The following PPP1R13L variants were observed in gnomAD, a reference collection of about 807,000 sequenced individuals.
The protein encoded by PPP1R13L is relA-associated inhibitor.
A neutral mutation model predicts 80.9 loss-of-function variants in PPP1R13L; 50 were observed. The observed-to-expected ratio is 0.62, with a 90% CI of 0.49 to 0.78. PPP1R13L has a LOEUF of 0.78. Among genes scored for constraint, PPP1R13L ranks in the 30% least tolerant of loss-of-function variants. The probability of loss-of-function intolerance (pLI) is 0.00; values close to 1 mark genes in which losing one functional copy is unlikely to be tolerated. For synonymous variants in PPP1R13L, 602 were observed against 534.3 expected, an observed-to-expected ratio of 1.13 and a Z score of -1.75; for missense variants, 1,200 against 1,205.9, an observed-to-expected ratio of 1.00 and a Z score of 0.07.
intron 7 of PPP1R13L, chr19:45,395,198 T>G (rs1045726750): frequency 4.5e-5 from 25 of 555,528 alleles, no homozygotes; most frequent in Non-Finnish European, 6.7e-5. Flanking sequence ...GTTAAGTGAC[T>G]TGCCCAAGGT....
chr19:45,392,008 C>G lies in PPP1R13L; in HGVS notation c.1687G>C (p.Glu563Gln), dbSNP rs1245199673. The G allele has an allele frequency of 6.5e-7, 1 of 1,539,034 alleles. No homozygotes were observed. Among genetic ancestry groups the G allele is most frequent in the Admixed American group, 2.1e-5 (1 of 46,816 alleles). The change falls in exon 8 of 13, where the codon GAG becomes CAG. Residue 563 changes from glutamate (E) to glutamine (Q), a missense_variant. Physicochemically the swap from Glu to Gln is conservative, Grantham distance 29. Transcript: ENST00000360957. ...RHGGPGPGGP[E>Q]PELSPITEGS... Reference sequence around the variant, plus strand: ...TCAGTGATGGGGGACAGCTCTGGCTCCGGCCCCCCGGGCCCTGGCCCCCCA... The same window carrying G: ...TCAGTGATGGGGGACAGCTCTGGCTGCGGCCCCCCGGGCCCTGGCCCCCCA...
At chr19:45,391,575 G>T (rs1972973216) in intron 8 of PPP1R13L, among the ~76,000 whole-genome samples, 1 of 152,212 alleles carries the variant, frequency 6.6e-6, no homozygotes, top group Non-Finnish European at 1.5e-5. Flanking sequence ...GGTTCTGCCT[G>T]AAACAGGAAA....
intron 2 of PPP1R13L, 40 bp from the exon 3 acceptor site, chr19:45,398,187 G>T: frequency 1.2e-6 from 2 of 1,612,306 alleles, no homozygotes; most frequent in Non-Finnish European, 1.7e-6. Context: ...TGGCCTCCTG[G>T]CAGGGGCCGG....
At chr19:45,383,914 G>A (rs1427605254) in intron 11 of PPP1R13L, among the ~76,000 whole-genome samples, 1 of 151,296 alleles carries the variant, frequency 6.6e-6, no homozygotes, top group Non-Finnish European at 1.5e-5. Flanking sequence ...GGCCCACGCC[G>A]CTACACCCGG....
chr19:45,392,271 T>G lies in PPP1R13L; in HGVS notation c.1424A>C (p.Glu475Ala). The stretch of plus-strand genomic sequence containing the variant: ...AGGGCCTTCATCCACATCGCCAGCC[T>G]CCAGCACTGGTGTCAGCAGCCCCTC... ...EIEGLLTPVLEAGDVDEGPVA... is the reference protein window; with the variant it reads ...EIEGLLTPVLAAGDVDEGPVA... Residue 475 changes from glutamate to alanine, a missense_variant, in exon 8 of 13, where the codon GAG (glutamate) becomes GCG (alanine). Coordinates refer to ENST00000360957, the MANE Select transcript of PPP1R13L (RefSeq NM_006663.4). 6.2e-7 allele frequency: 1 copy of G among 1,613,612 alleles called. No homozygotes were observed. The highest frequency in any genetic ancestry group is 8.5e-7 in the Non-Finnish European group (1 of 1,180,018).
chr19:45,393,828 A>T (rs761091003), intron 7 of PPP1R13L, among the ~76,000 whole-genome samples: 3 of 152,122 alleles, frequency 2.0e-5, no homozygotes, highest in Non-Finnish European at 4.4e-5. Context: ...AGCAAGCACC[A>T]CTGCACTCCA....
chr19:45,395,038 T>A (rs1454197773), intron 7 of PPP1R13L: 1 of 173,322 alleles, frequency 5.8e-6, no homozygotes, highest in Non-Finnish European at 1.2e-5. Flanking sequence ...TTAGTAGAGA[T>A]GGGGTTTCAT....
At position 45,386,187 on chromosome 19, in the gene PPP1R13L, G is replaced by C. The variant is rs1156993639; in HGVS notation, c.1816-7C>G. The C allele has an allele frequency of 3.4e-5, 51 of 1,512,940 alleles. No homozygotes were observed. Among genetic ancestry groups the C allele is most frequent in the Non-Finnish European group, 3.8e-5 (44 of 1,145,000 alleles). The allele number at this position is 1,512,940 out of a possible 1,614,324, so 93.7% of individuals were successfully genotyped here. A position where few individuals can be genotyped will look rare whatever the true frequency, so the allele number is the denominator to read the frequency against. ...GCAGCACAGAGCGCATCTCCTGGGG[G>C]ACAGGGCGCAGAGGTCAGCGACTTG... is the stretch of plus-strand genomic sequence containing the variant. On this transcript the variant is annotated splice_region_variant and splice_polypyrimidine_tract_variant and intron_variant, in intron 8 of 12. Coordinates refer to ENST00000360957, the MANE Select transcript of PPP1R13L (RefSeq NM_006663.4).
intron 11 of PPP1R13L, among the ~76,000 whole-genome samples, chr19:45,383,884 C>T (rs1315866356): frequency 6.6e-6 from 1 of 152,094 alleles, no homozygotes; most frequent in Admixed American, 6.6e-5. Context: ...GCCTCAGCCT[C>T]CAAAGTAGCT....
At chr19:45,397,469 T>TCC (rs1973131630) in intron 3 of PPP1R13L, among the ~76,000 whole-genome samples, 1 of 97,810 alleles carries the variant, frequency 1.0e-5, no homozygotes, top group Admixed American at 1.0e-4. Context: ...GCTTTCTCTC[T>TCC]CTCTCTTTCT....
intron 1 of PPP1R13L, among the ~76,000 whole-genome samples, chr19:45,401,127 G>C (rs1317847994): frequency 1.3e-5 from 2 of 151,246 alleles, no homozygotes; most frequent in Non-Finnish European, 2.9e-5. Context: ...GCTAAGGCGG[G>C]AGGATCACGA....
chr19:45,396,508 G>A lies in PPP1R13L; in HGVS notation c.712+37C>T. On this transcript the variant is annotated intron_variant, in intron 4 of 12. Transcript: ENST00000360957. The surrounding 1 kb of genome is among the most constrained non-coding windows in gnomAD (Gnocchi z 5.3). ...CCCGGATCCTGCCCGCTTTGACCCC[G>A]CGAGTCAAAGGCCCCGCGAGGGGCC... 1 of 1,603,196 alleles carries A rather than the reference G, an allele frequency of 6.2e-7. No individual in the cohort carries two copies. Among genetic ancestry groups the A allele is most frequent in the Admixed American group, 1.7e-5 (1 of 58,950 alleles).
chr19:45,385,623 G>T lies in PPP1R13L; in HGVS notation c.2187C>A (p.Thr729=). ...GGTAAGGGTCGCACTTCTCGAAGGC[G>T]GTGGCGCCGTCGCTGAGCGTGGTGG... ...IFATTLSDGA[T]AFEKCDPYRE... The change falls in exon 11 of 13, where the codon ACC becomes ACA. Residue 729 remains threonine (T), a synonymous_variant. Coordinates refer to ENST00000360957, the MANE Select transcript of PPP1R13L (RefSeq NM_006663.4). 5 of 1,613,158 alleles carry T rather than the reference G, an allele frequency of 3.1e-6. No homozygotes were observed. Among genetic ancestry groups the T allele is most frequent in the Non-Finnish European group, 2.5e-6 (3 of 1,179,888 alleles).
rs775940419 is a variant in PPP1R13L at position 45,392,167 on chromosome 19, C to G, written c.1528G>C (p.Val510Leu). The change falls in exon 8 of 13, where the codon GTG becomes CTG. Residue 510 changes from valine (V) to leucine (L), a missense_variant. By Grantham distance (32) the Val-to-Leu change is conservative. Around this residue, in one of 5 missense-constraint regions of PPP1R13L, gnomAD observed 53 missense variants for 96.5 expected, o/e 0.55. Transcript: ENST00000360957. Reference protein sequence around the residue: ...EAQSVPELEEVARVLAEIPRP... With the variant: ...EAQSVPELEELARVLAEIPRP... Reference sequence around the variant, plus strand: ...GGAATTTCCGCCAACACCCGTGCCACCTCCTCCAGCTCGGGCACCGACTGT... The same window carrying G: ...GGAATTTCCGCCAACACCCGTGCCAGCTCCTCCAGCTCGGGCACCGACTGT... 1 of 1,604,040 alleles carries G rather than the reference C, an allele frequency of 6.2e-7. No individual in the cohort carries two copies. The highest frequency in any genetic ancestry group is 8.5e-7 in the Non-Finnish European group (1 of 1,174,010).
upstream of PPP1R13L, among the ~76,000 whole-genome samples, chr19:45,405,622 G>T (rs1973327133): frequency 6.6e-6 from 1 of 152,252 alleles, no homozygotes; most frequent in Non-Finnish European, 1.5e-5. Context: ...ACCGTCTGGA[G>T]ATCCTGGATA....
Position 45,386,017 on chromosome 19 carries a change from G to A in PPP1R13L, c.1947+32C>T, listed in dbSNP as rs773127646. The A allele has an allele frequency of 3.4e-5, 54 of 1,581,020 alleles. No homozygotes were observed. In the Middle Eastern group the frequency reaches 5.0e-4, roughly 15 times the overall value. On this transcript the variant is annotated intron_variant, in intron 9 of 12. Transcript: ENST00000360957. ...CGCGGCTGGCATCTGCGATGCCCCC[G>A]CCGTGCCCACCTCCCGCTCAGCAGC...
chr19:45,389,334 T>C (rs1024762138), intron 8 of PPP1R13L, among the ~76,000 whole-genome samples: 7 of 152,156 alleles, frequency 4.6e-5, no homozygotes, highest in Admixed American at 4.6e-4. Flanking sequence ...CTCTGAGAAG[T>C]GATCTCTTCC....
chr19:45,401,349 C>T (rs940195907), intron 1 of PPP1R13L, among the ~76,000 whole-genome samples: 3 of 112,246 alleles, frequency 2.7e-5, no homozygotes, highest in African/African-American at 8.5e-5. Context: ...AGCGAGACTC[C>T]GTCCCAAAAA....
At chr19:45,385,452 G>T in intron 11 of PPP1R13L, 110 bp downstream of exon 11, 1 of 1,266,566 alleles carries the variant, frequency 7.9e-7, no homozygotes. Context: ...ATCCTGCCAA[G>T]TGGTTGGTAC....
Sources: gnomAD v4.1 joint callset for allele counts (sites outside exome capture counted in the v4.1 genomes callset) on GRCh38, gnomAD v4.1.1 for gene constraint, gnomAD v4.1.1 regional missense constraint, Gnocchi (gnomAD v3.1) non-coding constraint, MANE v1.5 for transcripts, NCBI Gene and HGNC (gene_info 2026-07-23, HGNC 2026-07-21) for gene names.